Variants in ADCY5 observed in about 807,000 individuals in gnomAD.
ADCY5 encodes the protein adenylate cyclase type 5.
ADCY5 carries 30 observed loss-of-function variants against 119.7 expected under a neutral mutation model. That is an observed-to-expected ratio of 0.25 (90% CI 0.19 to 0.34). The LOEUF is 0.34. Among genes scored for constraint, ADCY5 ranks in the 10% least tolerant of loss-of-function variants. The pLI, the probability that ADCY5 is intolerant of heterozygous loss-of-function variation, is 1.00. For synonymous variants in ADCY5, 753 were observed against 762.2 expected (o/e 0.99, Z 0.20); for missense variants, 1,324 against 1,775.2 (o/e 0.75, Z 4.57).
rs140582739 is a variant in ADCY5 at position 123,284,698 on chromosome 3, C to A, written c.3696G>T (p.Thr1232=). 7.4e-6 allele frequency: 12 copies of A among 1,614,102 alleles called. No homozygotes were observed. The highest frequency in any genetic ancestry group is 8.5e-6 in the Non-Finnish European group (10 of 1,180,036). Residue 1232 remains threonine (T), a synonymous_variant, in exon 21 of 21, where the codon ACG becomes ACT. Coordinates refer to ENST00000462833, the MANE Select transcript of ADCY5 (RefSeq NM_183357.3). ...CCACGCCCCGGCACTCCAGCTGGTACGTGTTGGCAGCCAGCACCTGGTACA... is the reference window on the plus strand; with the variant it reads ...CCACGCCCCGGCACTCCAGCTGGTAAGTGTTGGCAGCCAGCACCTGGTACA... ...TDMYQVLAAN[T]YQLECRGVVK...
chr3:123,390,918 G>C (rs1457957699), intron 1 of ADCY5, among the ~76,000 whole-genome samples: 1 of 152,262 alleles, frequency 6.6e-6, no homozygotes, highest in Non-Finnish European at 1.5e-5. Context: ...TGGGATGTGA[G>C]ATGGACATTT....
intron 1 of ADCY5, among the ~76,000 whole-genome samples, chr3:123,379,692 T>A (rs1043927910): frequency 9.3e-5 from 14 of 150,828 alleles, no homozygotes; most frequent in African/African-American, 3.4e-4. Context: ...GGTGTGTGGG[T>A]GAGGGTGGGG....
chr3:123,323,410 T>C (rs1941321314), intron 8 of ADCY5, among the ~76,000 whole-genome samples: 1 of 152,100 alleles, frequency 6.6e-6, no homozygotes, highest in African/African-American at 2.4e-5. Flanking sequence ...ATAGCTTATA[T>C]CAAATATCAC....
intron 3 of ADCY5, among the ~76,000 whole-genome samples, chr3:123,343,884 C>T (rs1385071329): frequency 2.0e-5 from 3 of 152,200 alleles, no homozygotes; most frequent in Non-Finnish European, 4.4e-5. Context: ...TTCCATTTGT[C>T]ACCACACGTC....
At chr3:123,308,028 C>CTTTTTTTTTTTTCATGCTCTT (rs1940297864) in intron 12 of ADCY5, among the ~76,000 whole-genome samples, 3 of 85,658 alleles carry the variant, frequency 3.5e-5, no homozygotes, top group African/African-American at 1.4e-4. Flanking sequence ...TTTTCATGCT[C>CTTTTTTTTTTTTCATGCTCTT]TTTTTTTTTT....
At chr3:123,370,413 G>A (rs1442842090) in intron 1 of ADCY5, among the ~76,000 whole-genome samples, 2 of 152,202 alleles carry the variant, frequency 1.3e-5, no homozygotes, top group African/African-American at 4.8e-5. Flanking sequence ...GCATTTCTCA[G>A]CCCCTCTTGC....
At chr3:123,379,352 G>A (rs1943950904) in intron 1 of ADCY5, among the ~76,000 whole-genome samples, 1 of 152,086 alleles carries the variant, frequency 6.6e-6, no homozygotes, top group Admixed American at 6.5e-5. Flanking sequence ...ACCCCGGAGT[G>A]GGGTTTGGGG....
intron 1 of ADCY5, among the ~76,000 whole-genome samples, chr3:123,434,007 C>A (rs1945566113): frequency 6.6e-6 from 1 of 152,158 alleles, no homozygotes; most frequent in South Asian, 2.1e-4. Context: ...CCCGTCTGAG[C>A]CAGACACCAT....
chr3:123,445,900 T>G (rs908899554), intron 1 of ADCY5, among the ~76,000 whole-genome samples: 2 of 152,142 alleles, frequency 1.3e-5, no homozygotes, highest in African/African-American at 4.8e-5. Context: ...GCAAAACAAG[T>G]GGACACTGGA....
chr3:123,396,727 G>GGAAGGA (rs1944587413), intron 1 of ADCY5, among the ~76,000 whole-genome samples: 16 of 45,662 alleles, frequency 3.5e-4, no homozygotes, highest in African/African-American at 9.7e-4. Flanking sequence ...AGAAGGGAGG[G>GGAAGGA]AGGAAGGAAG....
Position 123,327,612 on chromosome 3 carries a change from A to T in ADCY5, c.1947+6T>A, listed in dbSNP as rs1169123620. The stretch of plus-strand genomic sequence containing the variant: ...CCCTCAGCCCCCCGGCCCCCAGCCC[A>T]CAGACCCGCTTCTGGGTGCAGCGCA... On this transcript the variant is annotated splice_donor_region_variant and intron_variant, in intron 7 of 20. Coordinates refer to ENST00000462833, the MANE Select transcript of ADCY5 (RefSeq NM_183357.3). 9 of 1,612,772 alleles carry T rather than the reference A, an allele frequency of 5.6e-6. No homozygotes were observed. The African/African-American group carries it at 1.2e-4, about 22-fold the overall frequency.
At chr3:123,406,712 A>C (rs947273216) in intron 1 of ADCY5, among the ~76,000 whole-genome samples, 3 of 152,150 alleles carry the variant, frequency 2.0e-5, no homozygotes, top group African/African-American at 7.2e-5. Flanking sequence ...GCTCTGTTGT[A>C]ATGATGGGAG....
chr3:123,380,855 G>T (rs1272214602), intron 1 of ADCY5, among the ~76,000 whole-genome samples: 1 of 152,242 alleles, frequency 6.6e-6, no homozygotes, highest in African/African-American at 2.4e-5. Context: ...GATCCGGCCT[G>T]AGAGATACTT....
chr3:123,425,754 A>G (rs1179013296), intron 1 of ADCY5, among the ~76,000 whole-genome samples: 1 of 128,924 alleles, frequency 7.8e-6, no homozygotes, highest in African/African-American at 3.0e-5. Flanking sequence ...GCCCCAGCTT[A>G]CAAGCTGGTC....
At chr3:123,398,533 T>C (rs1944667074) in intron 1 of ADCY5, among the ~76,000 whole-genome samples, 1 of 152,174 alleles carries the variant, frequency 6.6e-6, no homozygotes, top group Non-Finnish European at 1.5e-5. Flanking sequence ...ACCACAGGGA[T>C]AATCTTCAAA....
At chr3:123,389,572 C>T (rs1430851813) in intron 1 of ADCY5, among the ~76,000 whole-genome samples, 1 of 152,048 alleles carries the variant, frequency 6.6e-6, no homozygotes, top group African/African-American at 2.4e-5. Context: ...ACCATGCTGG[C>T]CACTCCTGGT....
chr3:123,442,960 C>A (rs1160251894), intron 1 of ADCY5, among the ~76,000 whole-genome samples: 2 of 152,254 alleles, frequency 1.3e-5, no homozygotes, highest in African/African-American at 4.8e-5. Context: ...TGGGGTTGAG[C>A]CTGCTGCTGA....
At chr3:123,423,113 A>C (rs1022206264) in intron 1 of ADCY5, among the ~76,000 whole-genome samples, 1 of 152,124 alleles carries the variant, frequency 6.6e-6, no homozygotes, top group African/African-American at 2.4e-5. Context: ...CCAAGAGGAT[A>C]CAGGAGGTCT....
chr3:123,368,195 C>T (rs760115212), intron 1 of ADCY5: 15 of 575,890 alleles, frequency 2.6e-5, no homozygotes, highest in African/African-American at 9.6e-5. Context: ...ATGACGCCTG[C>T]GAATAAGACA....
Sources: gnomAD v4.1 joint callset for allele counts (sites outside exome capture counted in the v4.1 genomes callset) on GRCh38, gnomAD v4.1.1 for gene constraint, MANE v1.5 for transcripts, NCBI Gene and HGNC (gene_info 2026-07-23, HGNC 2026-07-21) for gene names.